Variants in ZNF563 observed in about 807,000 individuals in gnomAD.
ZNF563 encodes the protein zinc finger protein 563.
In ZNF563, 39 loss-of-function variants were observed where a neutral mutation model predicts 48.5. That is an observed-to-expected ratio of 0.80 (90% CI 0.62 to 1.05). The LOEUF is 1.05. Ranked by LOEUF, ZNF563 falls within the 50% of genes least tolerant of loss-of-function variation. The pLI, the probability that ZNF563 is intolerant of heterozygous loss-of-function variation, is 0.00. For missense variants in ZNF563, 538 were observed against 597.0 expected (o/e 0.90, Z 1.03); for synonymous variants, 168 against 187.9 (o/e 0.89, Z 0.87).
upstream of ZNF563, among the ~76,000 whole-genome samples, chr19:12,338,634 A>G (rs1969043399): frequency 6.6e-6 from 1 of 152,066 alleles, no homozygotes; most frequent in African/African-American, 2.4e-5. Context: ...TGGGAGGATC[A>G]CCTGAGGTCA....
chr19:12,336,832 C>T (rs1969025976), upstream of ZNF563, among the ~76,000 whole-genome samples: 1 of 152,138 alleles, frequency 6.6e-6, no homozygotes, highest in South Asian at 2.1e-4. Context: ...CCCTCTCAAC[C>T]CCAGCCCACA....
chr19:12,338,155 T>C (rs1250272913), upstream of ZNF563, among the ~76,000 whole-genome samples: 1 of 152,110 alleles, frequency 6.6e-6, no homozygotes, highest in Non-Finnish European at 1.5e-5. Flanking sequence ...GGGCAGAGGA[T>C]TCAGGGTAGA....
In ZNF563 at chr19:12,333,431, T is replaced by C. The variant is rs371717027; in HGVS notation, c.3+49A>G. 1.2e-5 allele frequency: 19 copies of C among 1,611,874 alleles called. No individual in the cohort carries two copies. In the African/African-American group the frequency reaches 2.3e-4, roughly 19 times the overall value. ...TTCGCCGCGGCCGGTTCTGGACGGT[T>C]CCAACCAGCTCTTTCCCACTTTTGG... On this transcript the variant is annotated intron_variant, in intron 1 of 3. Coordinates refer to ENST00000293725, the MANE Select transcript of ZNF563 (RefSeq NM_145276.3).
Position 12,321,269 on chromosome 19 carries a change from T to A in ZNF563, c.191+3A>T. 2.5e-6 allele frequency: 4 copies of A among 1,568,962 alleles called. No individual in the cohort carries two copies. Among genetic ancestry groups the A allele is most frequent in the Non-Finnish European group, 3.5e-6 (4 of 1,158,190 alleles). On this transcript the variant is annotated splice_donor_region_variant and intron_variant, in intron 3 of 3. Transcript: ENST00000293725. Reference sequence around the variant, plus strand: ...ATAACTTTCTCCTGTGAGTGCAAATTACCTTAGATTTCTCCTAGGATTTTT... The same window carrying A: ...ATAACTTTCTCCTGTGAGTGCAAATAACCTTAGATTTCTCCTAGGATTTTT...
intron 1 of ZNF563, among the ~76,000 whole-genome samples, chr19:12,327,043 G>A (rs1568477248): frequency 6.6e-6 from 1 of 152,078 alleles, no homozygotes; most frequent in African/African-American, 2.4e-5. Flanking sequence ...GAAACTGAAG[G>A]TCCATTAGTT....
chr19:12,319,035 C>T lies in ZNF563; in HGVS notation c.990G>A (p.Arg330=), dbSNP rs751961177. The T allele has an allele frequency of 9.2e-5, 149 of 1,613,984 alleles. 1 individual carries two copies. The highest frequency in any genetic ancestry group is 8.8e-4 in the South Asian group (80 of 91,076). The change falls in exon 4 of 4, where the codon AGG becomes AGA. Residue 330 remains arginine (R), a synonymous_variant. Transcript: ENST00000293725. ...HLGSFQIHMK[R]HTGDRPHKCK... is the part of the protein sequence containing the mutation. The stretch of plus-strand genomic sequence containing the variant: ...ATTTATGAGGTCGATCTCCAGTGTG[C>T]CTTTTCATGTGTATCTGAAAGCTTC...
At chr19:12,340,170 C>G in the ZNF563 span, among the ~76,000 whole-genome samples, 257 of 152,160 alleles carry the variant, frequency 1.7e-3, no homozygotes, top group Middle Eastern at 3.4e-3. Flanking sequence ...CCGGTCTCTA[C>G]AGAAAATACA....
chr19:12,339,009 G>C, the ZNF563 span, among the ~76,000 whole-genome samples: 1 of 152,124 alleles, frequency 6.6e-6, no homozygotes, highest in Non-Finnish European at 1.5e-5. Flanking sequence ...TACCTCTGTT[G>C]CAGGCAGCCA....
the ZNF563 span, among the ~76,000 whole-genome samples, chr19:12,340,965 A>C: frequency 4.6e-5 from 7 of 152,138 alleles, no homozygotes; most frequent in African/African-American, 1.2e-4. Context: ...AAAAAAAGAA[A>C]AGAACACTGG....
chr19:12,337,701 G>A (rs1419380757), upstream of ZNF563, among the ~76,000 whole-genome samples: 2 of 152,100 alleles, frequency 1.3e-5, no homozygotes, highest in Non-Finnish European at 2.9e-5. Context: ...AATCTAAAAA[G>A]TGCCAGGAAA....
At chr19:12,333,738 CA>C (rs1030419766), upstream of ZNF563, 12 of 539,790 alleles carry the variant, frequency 2.2e-5, no homozygotes, top group African/African-American at 2.3e-4. Flanking sequence ...GACCCCGCCC[CA>C]TAGCTCTGAT....
upstream of ZNF563, among the ~76,000 whole-genome samples, chr19:12,338,164 G>T (rs75297702): frequency 0.049 from 7,415 of 152,244 alleles, 598 homozygotes; most frequent in African/African-American, 0.17. Flanking sequence ...ATTCAGGGTA[G>T]ATGGCAGGGT....
chr19:12,344,911 GCTAACAATGAATAAACAATAGA>G, the ZNF563 span, among the ~76,000 whole-genome samples: 1 of 152,082 alleles, frequency 6.6e-6, no homozygotes, highest in East Asian at 1.9e-4. Flanking sequence ...AAAATCAGCT[GCTAACAATGAATAAACAATAGA>G]CTAACAATGA....
At chr19:12,320,290 T>G (rs1213206095) in intron 3 of ZNF563, among the ~76,000 whole-genome samples, 1 of 151,986 alleles carries the variant, frequency 6.6e-6, no homozygotes, top group Non-Finnish European at 1.5e-5. Context: ...AACTGAATGC[T>G]ATGCAAGACA....
intron 1 of ZNF563, among the ~76,000 whole-genome samples, chr19:12,324,571 G>A (rs1968726627): frequency 6.6e-6 from 1 of 151,872 alleles, no homozygotes; most frequent in Non-Finnish European, 1.5e-5. Context: ...TACAAAATTA[G>A]CCAGGCGTGA....
chr19:12,328,070 C>A (rs1282915087), intron 1 of ZNF563, among the ~76,000 whole-genome samples: 1 of 152,182 alleles, frequency 6.6e-6, no homozygotes, highest in Non-Finnish European at 1.5e-5. Flanking sequence ...TTCATTGATA[C>A]GTGTTTACAG....
At position 12,318,009 on chromosome 19, in the gene ZNF563, C is replaced by CTT. The variant is rs373365616; in HGVS notation, c.*583_*584dup. The CTT allele has an allele frequency of 9.7e-5, 14 of 143,668 alleles. No homozygotes were observed. The highest frequency in any genetic ancestry group is 4.4e-4 in the South Asian group (2 of 4,592). The allele number at this position is 143,668 out of a possible 1,614,324, so 8.9% of individuals were successfully genotyped here. On this transcript the variant is annotated 3_prime_UTR_variant, in exon 4 of 4. Transcript: ENST00000293725. ...TCTCCAGAGTGAATCCTTTCATGTA[C>CTT]TTTTTTTTTTTTTTTGAGACAGGGT...
intron 1 of ZNF563, among the ~76,000 whole-genome samples, chr19:12,326,588 G>A (rs1968802717): frequency 6.6e-6 from 1 of 151,646 alleles, no homozygotes; most frequent in Non-Finnish European, 1.5e-5. Context: ...AGGTTGCAGT[G>A]AGCCAAGATT....
At chr19:12,324,099 T>TCAAA (rs1968706767) in intron 1 of ZNF563, among the ~76,000 whole-genome samples, 1 of 152,190 alleles carries the variant, frequency 6.6e-6, no homozygotes, top group South Asian at 2.1e-4. Context: ...GGCTCATGCC[T>TCAAA]GTAATCTCAG....
Sources: gnomAD v4.1 joint callset for allele counts (sites outside exome capture counted in the v4.1 genomes callset) on GRCh38, gnomAD v4.1.1 for gene constraint, MANE v1.5 for transcripts, NCBI Gene and HGNC (gene_info 2026-07-23, HGNC 2026-07-21) for gene names.